Variants in PRMT8 observed in about 807,000 individuals in gnomAD.
The protein encoded by PRMT8 is protein arginine methyltransferase 8, also known as protein arginine N-methyltransferase 8.
In PRMT8, 7 loss-of-function variants were observed where a neutral mutation model predicts 47.1. That is an observed-to-expected ratio of 0.15 (90% CI 0.08 to 0.28). The LOEUF (loss-of-function observed/expected upper bound fraction) is 0.28. PRMT8 is among the 10% of genes least tolerant of loss of function. The pLI is 1.00. For missense variants in PRMT8, 237 were observed against 505.4 expected (o/e 0.47, Z 5.09); for synonymous variants, 188 against 186.5 (o/e 1.01, Z -0.07).
chr12:3,478,074 C>G (rs150521853), intron 1 of PRMT8, among the ~76,000 whole-genome samples: 3 of 152,152 alleles, frequency 2.0e-5, no homozygotes, highest in African/African-American at 7.2e-5. Flanking sequence ...AAGAAGATTT[C>G]CTGTGGGTTG....
chr12:3,585,534 T>TTC (rs1555098753), intron 8 of PRMT8, among the ~76,000 whole-genome samples: 1 of 147,572 alleles, frequency 6.8e-6, no homozygotes, highest in African/African-American at 2.5e-5. Context: ...ACTTTTTAAT[T>TTC]TTTTTTTTTT....
chr12:3,465,111 A>G (rs1161284804), intron 1 of PRMT8, among the ~76,000 whole-genome samples: 1 of 91,808 alleles, frequency 1.1e-5, no homozygotes, highest in African/African-American at 4.5e-5. Context: ...AACGAGAGTG[A>G]AACTCTGTCT....
intron 1 of PRMT8, among the ~76,000 whole-genome samples, chr12:3,410,094 T>C (rs1864411702): frequency 6.6e-6 from 1 of 152,092 alleles, no homozygotes; most frequent in South Asian, 2.1e-4. Flanking sequence ...TTCTGGAAGG[T>C]CCTAAATTCT....
Position 3,556,013 on chromosome 12 carries a change from C to A in PRMT8, c.481+2299C>A, listed in dbSNP as rs138277059. On this transcript the variant is annotated intron_variant, in intron 4 of 9. Coordinates refer to ENST00000382622, the MANE Select transcript of PRMT8 (RefSeq NM_019854.5). ...AAGCAAGGATTCTTTTTGACTTGGG[C>A]AACTGGGTGGATGGTGGTTGGCTGG... is the stretch of plus-strand genomic sequence containing the variant. Among the ~76,000 whole-genome samples the A allele has an allele frequency of 3.4e-3, 504 of 148,330 alleles. 45 individuals carry two copies. Among genetic ancestry groups the A allele is most frequent in the African/African-American group, 0.012 (463 of 38,348 alleles).
intron 1 of PRMT8, among the ~76,000 whole-genome samples, chr12:3,477,356 C>A (rs536367160): frequency 2.1e-4 from 32 of 152,340 alleles, no homozygotes; most frequent in African/African-American, 7.5e-4. Flanking sequence ...GAAGGCATGG[C>A]CTGTCCTTTG....
chr12:3,467,552 C>G (rs1865114024), intron 1 of PRMT8, among the ~76,000 whole-genome samples: 1 of 152,122 alleles, frequency 6.6e-6, no homozygotes, highest in Non-Finnish European at 1.5e-5. Flanking sequence ...TGGTGAACCT[C>G]CGCAAAGCTC....
rs376187123 is a variant in PRMT8 at position 3,534,512 on chromosome 12, G to A, written c.76-6094G>A. ...AGGTTCCAGTTCCAGATCCACCTCC[G>A]GACCTAGATTCCCCTAGGTGAGCCT... On this transcript the variant is annotated intron_variant, in intron 1 of 9. Coordinates refer to ENST00000382622, the MANE Select transcript of PRMT8 (RefSeq NM_019854.5). Among the ~76,000 whole-genome samples the A allele has an allele frequency of 3.9e-5, 6 of 152,054 alleles. No individual in the cohort carries two copies. The East Asian group carries it at 7.7e-4, about 20-fold the overall frequency.
At chr12:3,521,826 C>A (rs1287636499) in intron 1 of PRMT8, among the ~76,000 whole-genome samples, 1 of 152,110 alleles carries the variant, frequency 6.6e-6, no homozygotes, top group South Asian at 2.1e-4. Context: ...AGGCCTTCTC[C>A]CTCCCAACTG....
intron 1 of PRMT8, among the ~76,000 whole-genome samples, chr12:3,406,588 A>C (rs1864374815): frequency 6.6e-6 from 1 of 152,222 alleles, no homozygotes; most frequent in Non-Finnish European, 1.5e-5. Flanking sequence ...TCTCTAAGGC[A>C]GGGGCAAAAT....
intron 1 of PRMT8, among the ~76,000 whole-genome samples, chr12:3,392,604 T>G (rs1371929343): frequency 2.6e-5 from 4 of 151,436 alleles, no homozygotes; most frequent in Non-Finnish European, 5.9e-5. Context: ...CTTAATCCAG[T>G]CTATCATTGT....
Position 3,453,211 on chromosome 12 carries a change from G to A in PRMT8, c.48+71769G>A, listed in dbSNP as rs905983044. Among the ~76,000 whole-genome samples, 2 of 152,160 alleles carry A rather than the reference G, an allele frequency of 1.3e-5. No individual in the cohort carries two copies. The highest frequency in any genetic ancestry group is 1.3e-4 in the Admixed American group (2 of 15,290). ...GAACCATGGAAGCTGCTGAAAGGGT[G>A]CAGGGAAGCCACGGTTCCTTCCCTC... On this transcript the variant is annotated intron_variant, in intron 1 of 9. Transcript: ENST00000452611. This position sits in a 1 kb window ranked among gnomAD's most constrained non-coding sequence, Gnocchi z 4.9.
At position 3,593,019 on chromosome 12, in the gene PRMT8, A is replaced by T; in HGVS notation, c.1102-80A>T. On this transcript the variant is annotated intron_variant, in intron 9 of 9. Coordinates refer to ENST00000382622, the MANE Select transcript of PRMT8 (RefSeq NM_019854.5). The surrounding 1 kb of genome is among the most constrained non-coding windows in gnomAD (Gnocchi z 4.8). ...TGCTACCCATCCCTGTGGTTCCAGGAGCAGGTGGTGCCAGAGAGTGGGGCT... is the reference window on the plus strand; with the variant it reads ...TGCTACCCATCCCTGTGGTTCCAGGTGCAGGTGGTGCCAGAGAGTGGGGCT... 9.0e-7 allele frequency: 1 copy of T among 1,105,112 alleles called. No homozygotes were observed. The highest frequency in any genetic ancestry group is 1.4e-6 in the Non-Finnish European group (1 of 727,208). 68.5% of individuals were successfully genotyped at this position (1,105,112 alleles called of 1,614,324 possible).
chr12:3,496,212 A>ATTTTTTTTTTTTTTTTTTTTTTT (rs1444249290), intron 1 of PRMT8, among the ~76,000 whole-genome samples: 2 of 19,396 alleles, frequency 1.0e-4, no homozygotes, highest in Non-Finnish European at 1.6e-4. Context: ...ATATATATAT[A>ATTTTTTTTTTTTTTTTTTTTTTT]TATTTTTTTT....
rs779104471 is a variant in PRMT8 at position 3,564,874 on chromosome 12, A to G, written c.482-3832A>G. On this transcript the variant is annotated intron_variant, in intron 4 of 9. Transcript: ENST00000382622. This position sits in a 1 kb window ranked among gnomAD's most constrained non-coding sequence, Gnocchi z 4.0. ...CTTCCTTGAGCCAGCCTAATGCCCT[A>G]TGTTGGCCAATAGCCCCTAGTAAGT... 6.6e-6 allele frequency among the ~76,000 whole-genome samples: 1 copy of G among 152,272 alleles called. No homozygotes were observed. The highest frequency in any genetic ancestry group is 2.4e-5 in the African/African-American group (1 of 41,474).
At chr12:3,465,270 T>C (rs61611417) in intron 1 of PRMT8, among the ~76,000 whole-genome samples, 15,600 of 53,660 alleles carry the variant, frequency 0.29, 875 homozygotes, top group East Asian at 0.44. Context: ...TAAATATTTA[T>C]AAAAATAAAA....
rs115804619 is a variant in PRMT8 at position 3,474,819 on chromosome 12, G to A, written c.49-65787G>A. On this transcript the variant is annotated intron_variant, in intron 1 of 9. Coordinates refer to the PRMT8 transcript ENST00000452611. ...GAATCTCCTCAAGGGTAGGAATCAT[G>A]TCTTATTTATCTTCATATCCCCAGC... 6.8e-3 allele frequency among the ~76,000 whole-genome samples: 1,039 copies of A among 152,308 alleles called. 16 individuals are homozygous for A. Among genetic ancestry groups the A allele is most frequent in the African/African-American group, 0.024 (986 of 41,556 alleles).
intron 8 of PRMT8, among the ~76,000 whole-genome samples, chr12:3,589,986 C>T (rs1351653885): frequency 3.3e-5 from 5 of 152,214 alleles, no homozygotes. Context: ...AGTCTCCACA[C>T]ATAACCAGGA....
At chr12:3,468,778 C>T (rs944318585) in intron 1 of PRMT8, among the ~76,000 whole-genome samples, 2 of 152,236 alleles carry the variant, frequency 1.3e-5, no homozygotes, top group Admixed American at 6.5e-5. Context: ...GGCAATGTCC[C>T]TGAAACACCT....
chr12:3,406,627 A>G (rs982188339), intron 1 of PRMT8, among the ~76,000 whole-genome samples: 1 of 152,238 alleles, frequency 6.6e-6, no homozygotes, highest in Non-Finnish European at 1.5e-5. Context: ...AAAATGTAAC[A>G]AGAGTCACCT....
Sources: allele counts gnomAD v4.1 joint callset (sites outside exome capture counted in the v4.1 genomes callset), GRCh38; gene constraint gnomAD v4.1.1; non-coding constraint Gnocchi (gnomAD v3.1); transcripts MANE v1.5; gene names NCBI Gene and HGNC (gene_info 2026-07-23, HGNC 2026-07-21).